The following GUCY1A2 variants were observed in gnomAD, a reference collection of about 807,000 sequenced individuals.
The protein encoded by GUCY1A2 is guanylate cyclase 1 soluble subunit alpha 2.
GUCY1A2 carries 27 observed loss-of-function variants against 63.5 expected under a neutral mutation model. The observed-to-expected ratio is 0.43, with a 90% CI of 0.31 to 0.59. GUCY1A2 has a LOEUF of 0.59. Among genes scored for constraint, GUCY1A2 ranks in the 20% least tolerant of loss-of-function variants. GUCY1A2 has a pLI of 0.11. For missense variants in GUCY1A2, 768 were observed against 913.3 expected (o/e 0.84, Z 2.05); for synonymous variants, 364 against 343.5 (o/e 1.06, Z -0.66).
chr11:107,012,926 A>G (rs1861767754), intron 1 of GUCY1A2, among the ~76,000 whole-genome samples: 1 of 152,132 alleles, frequency 6.6e-6, no homozygotes, highest in African/African-American at 2.4e-5. Context: ...TTAGTTACAC[A>G]CATACTTTCT....
In GUCY1A2 at chr11:106,810,300, T is replaced by C; in HGVS notation, c.1385A>G (p.Gln462Arg). The change falls in exon 5 of 8, where the codon CAA becomes CGA. Residue 462 changes from glutamine to arginine, a missense_variant. Around this residue, in one of 3 missense-constraint regions of GUCY1A2, gnomAD observed 122 missense variants for 238.1 expected, o/e 0.51. Transcript: ENST00000526355. ...VILVGEQAKA[Q>R]DGLKKRMDKL... The stretch of plus-strand genomic sequence containing the variant: ...ATCCATCCTTTTCTTCAACCCATCT[T>C]GGGCCTTTGCCTGCTCACCAACCAA... 1 of 1,613,968 alleles carries C rather than the reference T, an allele frequency of 6.2e-7. No individual in the cohort carries two copies. Among genetic ancestry groups the C allele is most frequent in the Non-Finnish European group, 8.5e-7 (1 of 1,179,902 alleles).
chr11:106,826,824 A>T, intron 4 of GUCY1A2: 2 of 1,608,740 alleles, frequency 1.2e-6, no homozygotes, highest in Non-Finnish European at 1.7e-6. Flanking sequence ...TACAGATGTC[A>T]CCGGCAGCAT....
intron 3 of GUCY1A2, among the ~76,000 whole-genome samples, chr11:106,957,205 G>A (rs1313314512): frequency 6.6e-6 from 1 of 152,180 alleles, no homozygotes; most frequent in African/African-American, 2.4e-5. Flanking sequence ...AGGGAGCTTA[G>A]TGTGTTAGGC....
intron 6 of GUCY1A2, among the ~76,000 whole-genome samples, chr11:106,771,806 A>C (rs1175427480): frequency 6.6e-6 from 1 of 152,154 alleles, no homozygotes; most frequent in Non-Finnish European, 1.5e-5. Context: ...TAAAAAGGAA[A>C]CAGTCATAAT....
intron 4 of GUCY1A2, among the ~76,000 whole-genome samples, chr11:106,855,183 A>G (rs558416775): frequency 6.6e-6 from 1 of 152,206 alleles, no homozygotes; most frequent in East Asian, 1.9e-4. Flanking sequence ...ATTCACTTGC[A>G]CAGACCCTAG....
intron 4 of GUCY1A2, among the ~76,000 whole-genome samples, chr11:106,934,133 GA>G (rs1336271533): frequency 2.0e-5 from 3 of 152,056 alleles, no homozygotes; most frequent in Non-Finnish European, 4.4e-5. Flanking sequence ...TACATTAAAA[GA>G]AAAAAGGGCA....
At chr11:106,870,990 T>C (rs1012594234) in intron 4 of GUCY1A2, among the ~76,000 whole-genome samples, 1 of 152,152 alleles carries the variant, frequency 6.6e-6, no homozygotes, top group Admixed American at 6.6e-5. Flanking sequence ...CATTGGCTTA[T>C]TATGATAAGC....
chr11:106,733,785 G>T (rs928553677), intron 6 of GUCY1A2, among the ~76,000 whole-genome samples: 1 of 152,104 alleles, frequency 6.6e-6, no homozygotes, highest in African/African-American at 2.4e-5. Context: ...GAAAGACTGA[G>T]GAAGCAGGCC....
At position 106,760,221 on chromosome 11, in the gene GUCY1A2, A is replaced by G. The variant is rs145713325; in HGVS notation, c.1836+16218T>C. ...TTTGTTATGTCAGGCACAGAAAACT[A>G]ATATACTCAAAATAGACTGGAAACC... On this transcript the variant is annotated intron_variant, in intron 6 of 7. Coordinates refer to ENST00000526355, the MANE Select transcript of GUCY1A2 (RefSeq NM_000855.3). Among the ~76,000 whole-genome samples, 147 of 152,314 alleles carry G rather than the reference A, an allele frequency of 9.7e-4. 2 individuals are homozygous for G. The highest frequency in any genetic ancestry group is 3.3e-3 in the African/African-American group (138 of 41,566).
At chr11:106,926,404 C>A (rs971786880) in intron 4 of GUCY1A2, among the ~76,000 whole-genome samples, 17 of 150,274 alleles carry the variant, frequency 1.1e-4, no homozygotes, top group Non-Finnish European at 2.5e-4. Flanking sequence ...AACCACTGCA[C>A]TCCAGCCTGG....
rs113282814 is a variant in GUCY1A2 at position 106,923,021 on chromosome 11, T to C, written c.1206+16439A>G. Among the ~76,000 whole-genome samples, 333 of 152,236 alleles carry C rather than the reference T, an allele frequency of 2.2e-3. 3 individuals carry two copies. The highest frequency in any genetic ancestry group is 0.01 in the Middle Eastern group (3 of 294). ...ATAATAACATTGAATTGCTATGTTA[T>C]GGGCAATGACTGAAATTGGACTAAT... is the stretch of plus-strand genomic sequence containing the variant. On this transcript the variant is annotated intron_variant, in intron 4 of 7. Transcript: ENST00000526355.
At chr11:106,866,853 C>A (rs1450354064) in intron 4 of GUCY1A2, among the ~76,000 whole-genome samples, 1 of 151,932 alleles carries the variant, frequency 6.6e-6, no homozygotes. Flanking sequence ...CAACAACCTA[C>A]AGTAATGAAT....
chr11:106,699,064 C>G (rs1862772356), intron 7 of GUCY1A2, among the ~76,000 whole-genome samples: 2 of 152,156 alleles, frequency 1.3e-5, no homozygotes, highest in Admixed American at 6.6e-5. Flanking sequence ...ATACTTTTAT[C>G]TATGTTCTAC....
chr11:106,777,998 A>G lies in GUCY1A2; in HGVS notation c.1693-1416T>C, dbSNP rs1014903473. 8.5e-5 allele frequency among the ~76,000 whole-genome samples: 13 copies of G among 152,276 alleles called. No individual in the cohort carries two copies. In the Middle Eastern group the frequency reaches 0.017, roughly 199 times the overall value. On this transcript the variant is annotated intron_variant, in intron 5 of 7. Transcript: ENST00000526355. ...TCCATTCTGAATGTCCATTGCTGTT[A>G]ATAAATATTTTAAATATTTACCCCA...
At chr11:106,981,077 T>G (rs1217355854) in intron 2 of GUCY1A2, among the ~76,000 whole-genome samples, 3 of 152,360 alleles carry the variant, frequency 2.0e-5, no homozygotes, top group Admixed American at 6.5e-5. Flanking sequence ...CAAGAGATAT[T>G]AGCTTTTGTC....
At chr11:106,959,209 A>G (rs1216903379) in intron 3 of GUCY1A2, among the ~76,000 whole-genome samples, 1 of 152,186 alleles carries the variant, frequency 6.6e-6, no homozygotes, top group Non-Finnish European at 1.5e-5. Flanking sequence ...ACCTGAAAGA[A>G]TTTTTTTAAT....
chr11:106,836,862 C>G (rs927560852), intron 4 of GUCY1A2, among the ~76,000 whole-genome samples: 1 of 151,914 alleles, frequency 6.6e-6, no homozygotes. Context: ...ACATTTCTCT[C>G]AACTGCAAGT....
chr11:106,939,551 T>A lies in GUCY1A2; in HGVS notation c.1115A>T (p.Asn372Ile). ...DCFEIVSPKV[N>I]ATFERVLLRL... Reference sequence around the variant, plus strand: ...CAGCAGGACCCTTTCAAAGGTGGCATTAACCTTTGGAGATACAATCTCGAA... The same window carrying A: ...CAGCAGGACCCTTTCAAAGGTGGCAATAACCTTTGGAGATACAATCTCGAA... Residue 372 changes from asparagine to isoleucine, a missense_variant, in exon 4 of 8, where the codon AAT becomes ATT. By Grantham distance (149) the Asn-to-Ile change is moderately radical. Around this residue, in one of 3 missense-constraint regions of GUCY1A2, gnomAD observed 496 missense variants for 486.9 expected, o/e 1.02. Coordinates refer to ENST00000526355, the MANE Select transcript of GUCY1A2 (RefSeq NM_000855.3). 2 of 1,613,334 alleles carry A rather than the reference T, an allele frequency of 1.2e-6. No individual in the cohort carries two copies. The highest frequency in any genetic ancestry group is 8.5e-7 in the Non-Finnish European group (1 of 1,179,252).
At position 106,681,653 on chromosome 11, in the gene GUCY1A2, G is replaced by T; in HGVS notation, c.*5896C>A. On this transcript the variant is annotated 3_prime_UTR_variant, in exon 8 of 8. Coordinates refer to ENST00000526355, the MANE Select transcript of GUCY1A2 (RefSeq NM_000855.3). ...ATATTTTTAATCTGAGTCATTACTT[G>T]CTGCTCATTTTGCTACAGAATAATG... 4.5e-6 allele frequency: 1 copy of T among 222,312 alleles called. No homozygotes were observed. The highest frequency in any genetic ancestry group is 5.8e-5 in the Admixed American group (1 of 17,386). 13.8% of individuals were successfully genotyped at this position (222,312 alleles called of 1,614,324 possible).
Sources: gnomAD v4.1 joint callset for allele counts (sites outside exome capture counted in the v4.1 genomes callset) on GRCh38, gnomAD v4.1.1 for gene constraint, gnomAD v4.1.1 regional missense constraint, MANE v1.5 for transcripts, NCBI Gene and HGNC (gene_info 2026-07-23, HGNC 2026-07-21) for gene names.